Variants in AMBN observed in about 807,000 individuals in gnomAD.
AMBN encodes ameloblastin.
AMBN carries 54 observed loss-of-function variants against 48.0 expected under a neutral mutation model. The observed-to-expected ratio is 1.12, with a 90% CI of 0.90 to 1.41. The LOEUF is 1.41. AMBN is among the 40% of genes most tolerant of loss of function. The pLI is 0.00. For missense variants in AMBN, 571 were observed against 547.3 expected, an observed-to-expected ratio of 1.04 and a Z score of -0.43; for synonymous variants, 186 against 190.0, an observed-to-expected ratio of 0.98 and a Z score of 0.17.
At chr4:70,603,997 G>A (rs750033625) in intron 12 of AMBN, 76 bp downstream of exon 12, 31 of 1,466,574 alleles carry the variant, frequency 2.1e-5, no homozygotes, top group Admixed American at 6.8e-5. Flanking sequence ...TGCAAGAGAC[G>A]TCTGCCATGA....
rs373323752 is a variant in AMBN, at chr4:70,593,321, T to C, written c.16-6T>C. 9 of 1,598,530 alleles carry C rather than the reference T, an allele frequency of 5.6e-6. No individual in the cohort carries two copies. The highest frequency in any genetic ancestry group is 6.8e-6 in the Non-Finnish European group (8 of 1,169,476). On this transcript the variant is annotated splice_region_variant and splice_polypyrimidine_tract_variant and intron_variant, in intron 1 of 12. Coordinates refer to ENST00000322937, the MANE Select transcript of AMBN (RefSeq NM_016519.6). ...GATTTAATTCTCCAACTTAATTATG[T>C]TTTAGATTCCACTTTTCAAAATGAA...
rs1469266659 is a variant in AMBN, at chr4:70,598,420, T to G, written c.183+17T>G. The stretch of plus-strand genomic sequence containing the variant: ...CTTTCTCAGGTAATCATATTTCTTA[T>G]TGCAAGTATTCATGGTGGTGGTAGT... On this transcript the variant is annotated intron_variant, in intron 4 of 12. Coordinates refer to ENST00000322937, the MANE Select transcript of AMBN (RefSeq NM_016519.6). 1.3e-6 allele frequency: 2 copies of G among 1,576,714 alleles called. No homozygotes were observed. The highest frequency in any genetic ancestry group is 1.7e-6 in the Non-Finnish European group (2 of 1,159,254).
intron 5 of AMBN, among the ~76,000 whole-genome samples, chr4:70,600,132 C>T (rs1223192548): frequency 6.6e-6 from 1 of 152,006 alleles, no homozygotes; most frequent in East Asian, 1.9e-4. Flanking sequence ...CATGGTGAAA[C>T]CCCGTCTCTA....
intron 2 of AMBN, among the ~76,000 whole-genome samples, chr4:70,595,921 C>CA (rs1737374378): frequency 6.6e-6 from 1 of 152,086 alleles, no homozygotes; most frequent in African/African-American, 2.4e-5. Context: ...TTTGGGAGGC[C>CA]AAGGCAGGAG....
In AMBN at chr4:70,606,345, A is replaced by C; in HGVS notation, c.959A>C (p.Glu320Ala). The change falls in exon 13 of 13, where the codon GAA becomes GCA. Residue 320 changes from glutamate (E) to alanine (A), a missense_variant. Glu to Ala is a moderately radical substitution (Grantham distance 107, BLOSUM62 -1). Coordinates refer to ENST00000322937, the MANE Select transcript of AMBN (RefSeq NM_016519.6). The stretch of plus-strand genomic sequence containing the variant: ...GCCACCAAAGGCCCTGAGAACGAAG[A>C]AGGAGGTGCACAAGGCTCCCCTATG... ...VAATKGPENE[E>A]GGAQGSPMPE... The C allele has an allele frequency of 6.2e-7, 1 of 1,614,060 alleles. No individual in the cohort carries two copies. Among genetic ancestry groups the C allele is most frequent in the Middle Eastern group, 1.6e-4 (1 of 6,062 alleles).
At chr4:70,602,085 C>A (rs1188750777) in intron 6 of AMBN, among the ~76,000 whole-genome samples, 3 of 151,762 alleles carry the variant, frequency 2.0e-5, no homozygotes, top group East Asian at 3.9e-4. Flanking sequence ...CAAAAAGTAT[C>A]TTGTAATAAT....
Position 70,606,207 on chromosome 4 carries a change from C to T in AMBN, c.821C>T (p.Ala274Val), listed in dbSNP as rs781478867. 8 of 1,614,042 alleles carry T rather than the reference C, an allele frequency of 5.0e-6. No individual in the cohort carries two copies. The highest frequency in any genetic ancestry group is 1.7e-4 in the Middle Eastern group (1 of 6,056). ...EVAGGREDPM[A>V]YGAMFPGFGG... ...CAGGGCGGGAGAGAAGACCCAATGG[C>T]CTATGGAGCCATGTTTCCAGGATTT... Residue 274 changes from alanine to valine, a missense_variant, in exon 13 of 13, where the codon GCC (alanine) becomes GTC (valine). Transcript: ENST00000322937.
At chr4:70,603,705 G>A (rs1051208919) in intron 11 of AMBN, among the ~76,000 whole-genome samples, 172 bp from the exon 12 acceptor site, 5 of 152,064 alleles carry the variant, frequency 3.3e-5, no homozygotes, top group Non-Finnish European at 4.4e-5. Flanking sequence ...TTTTAGATCT[G>A]AATTATCCGA....
intron 12 of AMBN, among the ~76,000 whole-genome samples, chr4:70,605,055 T>A (rs1737610670): frequency 6.6e-6 from 1 of 151,010 alleles, no homozygotes; most frequent in Non-Finnish European, 1.5e-5. Context: ...AAAAGATAGG[T>A]ACAAGGGCAG....
rs768607147 is a variant in AMBN, at chr4:70,606,406, T to C, written c.1020T>C (p.Ala340=). ...EANPDNLENP[A]FLTELEPAPH... Reference sequence around the variant, plus strand: ...ACCCAGACAATCTAGAAAACCCAGCTTTCCTTACAGAGCTAGAACCTGCTC... The same window carrying C: ...ACCCAGACAATCTAGAAAACCCAGCCTTCCTTACAGAGCTAGAACCTGCTC... Residue 340 remains alanine (A), a synonymous_variant, in exon 13 of 13, where the codon GCT becomes GCC. Transcript: ENST00000322937. 1.9e-6 allele frequency: 3 copies of C among 1,613,974 alleles called. No individual in the cohort carries two copies. The highest frequency in any genetic ancestry group is 1.7e-6 in the Non-Finnish European group (2 of 1,179,988).
At chr4:70,595,203 T>TC (rs1232182420) in intron 2 of AMBN, among the ~76,000 whole-genome samples, 2 of 149,848 alleles carry the variant, frequency 1.3e-5, no homozygotes, top group Admixed American at 1.3e-4. Context: ...TTTTTTTTTT[T>TC]TTTTTTTACA....
At position 70,596,812 on chromosome 4, in the gene AMBN, A is replaced by G. The variant is rs559633827; in HGVS notation, c.85-187A>G. On this transcript the variant is annotated intron_variant, in intron 2 of 12. Transcript: ENST00000322937. ...GGTGGGAGCAAAATTATCAAATACT[A>G]TGTTGATTCTCCCAAATAACTTATG... Among the ~76,000 whole-genome samples the G allele has an allele frequency of 2.6e-5, 4 of 152,348 alleles. No homozygotes were observed. In the South Asian group the frequency reaches 8.3e-4, roughly 32 times the overall value.
At chr4:70,592,568 T>G (rs28710288) in intron 1 of AMBN, among the ~76,000 whole-genome samples, 195 bp downstream of exon 1, 2 of 151,432 alleles carry the variant, frequency 1.3e-5, no homozygotes, top group Non-Finnish European at 2.9e-5. Context: ...AGACTTTTAT[T>G]TATAGATTGT....
chr4:70,593,288 A>C lies in AMBN; in HGVS notation c.16-39A>C, dbSNP rs772340921. The C allele has an allele frequency of 3.3e-6, 5 of 1,521,616 alleles. No homozygotes were observed. In the East Asian group the frequency reaches 1.1e-4, roughly 35 times the overall value. 94.3% of individuals were successfully genotyped at this position (1,521,616 alleles called of 1,614,324 possible). ...TGTCTTTTAACCATTCTGAATAAAAATTCATCTGATTTAATTCTCCAACTT... is the reference window on the plus strand; with the variant it reads ...TGTCTTTTAACCATTCTGAATAAAACTTCATCTGATTTAATTCTCCAACTT... On this transcript the variant is annotated intron_variant, in intron 1 of 12. Transcript: ENST00000322937.
At chr4:70,594,339 C>A (rs62323388) in intron 2 of AMBN, among the ~76,000 whole-genome samples, 11,230 of 152,200 alleles carry the variant, frequency 0.074, 564 homozygotes, top group African/African-American at 0.14. Context: ...CTACTCCAGC[C>A]AACAGCATGC....
intron 5 of AMBN, 86 bp from the exon 6 acceptor site, chr4:70,601,332 G>A (rs1013310886): frequency 1.4e-5 from 19 of 1,336,196 alleles, no homozygotes; most frequent in African/African-American, 2.9e-5. Context: ...GATAGAAAGC[G>A]CCCCAAGCCC....
Position 70,606,725 on chromosome 4 carries a change from C to G in AMBN, c.1339C>G (p.Pro447Ala). The G allele has an allele frequency of 6.2e-7, 1 of 1,609,892 alleles. No homozygotes were observed. Among genetic ancestry groups the G allele is most frequent in the Non-Finnish European group, 8.5e-7 (1 of 1,177,974 alleles). ...GCATGACGCATGGCATTTCCAAGAG[C>G]CCTGACAGCTCTAAGATATTAGCTA... The part of the protein sequence containing the change: ...MMHDAWHFQE[P>A] Residue 447 changes from proline to alanine, a missense_variant, in exon 13 of 13, where the codon CCC becomes GCC. Coordinates refer to ENST00000322937, the MANE Select transcript of AMBN (RefSeq NM_016519.6).
At chr4:70,601,720 C>A in intron 6 of AMBN, 66 bp downstream of exon 6, 1 of 1,466,408 alleles carries the variant, frequency 6.8e-7, no homozygotes, top group Non-Finnish European at 9.4e-7. Flanking sequence ...AACGAATTTG[C>A]AGGGCACTTT....
chr4:70,606,557 T>C lies in AMBN; in HGVS notation c.1171T>C (p.Leu391=). ...AAADPLMTPE[L]ADVYRTYDAD... The stretch of plus-strand genomic sequence containing the variant: ...TGCTGACCCACTGATGACCCCTGAA[T>C]TAGCTGATGTTTATAGGACCTACGA... Residue 391 remains leucine, a synonymous_variant, in exon 13 of 13, where the codon TTA becomes CTA. Coordinates refer to ENST00000322937, the MANE Select transcript of AMBN (RefSeq NM_016519.6). 6.2e-7 allele frequency: 1 copy of C among 1,614,090 alleles called. No individual in the cohort carries two copies. Among genetic ancestry groups the C allele is most frequent in the East Asian group, 2.2e-5 (1 of 44,856 alleles).
Sources: gnomAD v4.1 joint callset for allele counts (sites outside exome capture counted in the v4.1 genomes callset) on GRCh38, gnomAD v4.1.1 for gene constraint, MANE v1.5 for transcripts, NCBI Gene and HGNC (gene_info 2026-07-23, HGNC 2026-07-21) for gene names.